Variants in LRMDA observed in about 807,000 individuals in gnomAD.
LRMDA encodes leucine rich melanocyte differentiation associated.
Under a neutral mutation model 29.8 loss-of-function variants are expected in LRMDA, and 18 were observed. The ratio of observed to expected loss-of-function variants is 0.60; its 90% CI spans 0.42 to 0.90. LRMDA has a LOEUF of 0.90. Ranked by LOEUF, LRMDA falls within the 40% of genes least tolerant of loss-of-function variation. The probability of loss-of-function intolerance (pLI) is 0.00; values close to 1 mark genes in which losing one functional copy is unlikely to be tolerated. For missense variants in LRMDA, 273 were observed against 273.9 expected, an observed-to-expected ratio of 1.00 and a Z score of 0.02; for synonymous variants, 125 against 109.4, an observed-to-expected ratio of 1.14 and a Z score of -0.89.
intron 5 of LRMDA, among the ~76,000 whole-genome samples, chr10:76,281,993 G>T (rs771924880): frequency 6.6e-6 from 1 of 152,134 alleles, no homozygotes; most frequent in African/African-American, 2.4e-5. Context: ...GGACAGATTT[G>T]CATTTTTTGG....
chr10:75,695,546 C>T (rs1461251112), intron 2 of LRMDA, among the ~76,000 whole-genome samples: 3 of 151,976 alleles, frequency 2.0e-5, no homozygotes, highest in Non-Finnish European at 4.4e-5. Context: ...TAAACTCATC[C>T]CTTATAGCTG....
chr10:75,941,991 A>G (rs1846399939), intron 2 of LRMDA, among the ~76,000 whole-genome samples: 1 of 152,104 alleles, frequency 6.6e-6, no homozygotes, highest in Admixed American at 6.5e-5. Flanking sequence ...ATTATTTTAC[A>G]TATTATACAT....
chr10:75,521,182 G>A (rs1270703643), intron 2 of LRMDA, among the ~76,000 whole-genome samples: 1 of 152,228 alleles, frequency 6.6e-6, no homozygotes, highest in Admixed American at 6.5e-5. Context: ...TTGAGGGGAG[G>A]CATTCTGTCC....
chr10:76,311,632 C>T (rs546386510), intron 5 of LRMDA, among the ~76,000 whole-genome samples: 118 of 152,194 alleles, frequency 7.8e-4, no homozygotes, highest in African/African-American at 2.2e-3. Flanking sequence ...TTTACTACCA[C>T]GATTATATTT....
At chr10:76,472,692 A>G (rs1842629853) in intron 6 of LRMDA, among the ~76,000 whole-genome samples, 2 of 151,618 alleles carry the variant, frequency 1.3e-5, no homozygotes, top group African/African-American at 4.8e-5. Flanking sequence ...CAGGAATGAA[A>G]GAGGGAGCAT....
At chr10:75,622,971 G>C (rs1295152658) in intron 2 of LRMDA, among the ~76,000 whole-genome samples, 2 of 152,128 alleles carry the variant, frequency 1.3e-5, no homozygotes, top group African/African-American at 4.8e-5. Flanking sequence ...TTGTTATACA[G>C]TACCCATAAT....
At chr10:76,232,762 T>C (rs574158114) in intron 5 of LRMDA, among the ~76,000 whole-genome samples, 3 of 152,234 alleles carry the variant, frequency 2.0e-5, no homozygotes, top group Admixed American at 6.5e-5. Flanking sequence ...GGGAGTTTTA[T>C]TGGTGATGAA....
At chr10:76,195,844 T>C (rs114665363) in intron 5 of LRMDA, among the ~76,000 whole-genome samples, 1,745 of 152,324 alleles carry the variant, frequency 0.011, 37 homozygotes, top group African/African-American at 0.04. Flanking sequence ...ACTTGCTTGG[T>C]AGGGTCATGT....
At chr10:75,610,389 C>T (rs765011996) in intron 2 of LRMDA, among the ~76,000 whole-genome samples, 12 of 151,926 alleles carry the variant, frequency 7.9e-5, no homozygotes, top group African/African-American at 1.7e-4. Flanking sequence ...CCCCCACATA[C>T]AACATACACA....
chr10:76,262,600 C>T (rs1325909834), intron 5 of LRMDA, among the ~76,000 whole-genome samples: 1 of 152,240 alleles, frequency 6.6e-6, no homozygotes, highest in Non-Finnish European at 1.5e-5. Context: ...TACATCTTCT[C>T]TGATTGGTCC....
At chr10:75,692,599 GTGTGTGTA>G (rs1026747767) in intron 2 of LRMDA, among the ~76,000 whole-genome samples, 5 of 146,018 alleles carry the variant, frequency 3.4e-5, no homozygotes, top group Admixed American at 2.0e-4. Context: ...GTGTGTGTGT[GTGTGTGTA>G]TGTGTATGTA....
At chr10:75,913,908 A>G (rs958098973) in intron 2 of LRMDA, among the ~76,000 whole-genome samples, 20 of 152,178 alleles carry the variant, frequency 1.3e-4, no homozygotes, top group African/African-American at 3.9e-4. Context: ...TTGTGAGCTT[A>G]TCCTCCAAAA....
chr10:76,155,790 T>C (rs895369137), intron 5 of LRMDA, among the ~76,000 whole-genome samples: 2 of 152,204 alleles, frequency 1.3e-5, no homozygotes, highest in African/African-American at 4.8e-5. Flanking sequence ...ACGCAGTCTA[T>C]CCTGACTATC....
chr10:76,276,355 A>G (rs1323813903), intron 5 of LRMDA, among the ~76,000 whole-genome samples: 1 of 151,422 alleles, frequency 6.6e-6, no homozygotes, highest in Admixed American at 6.6e-5. Flanking sequence ...TGTTGTCCAG[A>G]CTGGTCTCAA....
chr10:75,921,346 A>G (rs1220863629), intron 2 of LRMDA, among the ~76,000 whole-genome samples: 2 of 152,242 alleles, frequency 1.3e-5, no homozygotes, highest in South Asian at 2.1e-4. Context: ...GTGTAGAAAG[A>G]TGAATACAAA....
chr10:75,864,118 C>T (rs147107853), intron 2 of LRMDA, among the ~76,000 whole-genome samples: 79 of 152,260 alleles, frequency 5.2e-4, no homozygotes, highest in Admixed American at 1.5e-3. Context: ...TAACTTTTAA[C>T]GGGGCAAGGT....
At chr10:76,220,729 C>G (rs997045116) in intron 5 of LRMDA, among the ~76,000 whole-genome samples, 3 of 152,038 alleles carry the variant, frequency 2.0e-5, no homozygotes, top group African/African-American at 4.8e-5. Flanking sequence ...TGAAACTATT[C>G]CAATCAATAG....
At chr10:75,846,554 TA>T (rs1480329549) in intron 2 of LRMDA, among the ~76,000 whole-genome samples, 3 of 152,234 alleles carry the variant, frequency 2.0e-5, no homozygotes, top group African/African-American at 7.2e-5. Flanking sequence ...TTAATTCTCC[TA>T]ACATTGCCGT....
intron 5 of LRMDA, among the ~76,000 whole-genome samples, chr10:76,209,704 A>G (rs543299972): frequency 8.5e-5 from 13 of 152,196 alleles, no homozygotes; most frequent in Non-Finnish European, 1.3e-4. Flanking sequence ...CTCTCTGAAC[A>G]TGGAGCCAGC....
Sources: allele counts gnomAD v4.1 joint callset (sites outside exome capture counted in the v4.1 genomes callset), GRCh38; gene constraint gnomAD v4.1.1; transcripts MANE v1.5; gene names NCBI Gene and HGNC (gene_info 2026-07-23, HGNC 2026-07-21).